MACROD2: variants seen among roughly 807,000 people sequenced by gnomAD.
MACROD2 encodes the protein ADP-ribose glycohydrolase MACROD2.
Under a neutral mutation model 70.4 loss-of-function variants are expected in MACROD2, and 36 were observed. The observed-to-expected ratio is 0.51, with a 90% CI of 0.39 to 0.68. The LOEUF is 0.68. Among genes scored for constraint, MACROD2 ranks in the 30% least tolerant of loss-of-function variants. MACROD2 has a pLI of 0.00. For missense variants in MACROD2, 496 were observed against 538.4 expected, an observed-to-expected ratio of 0.92 and a Z score of 0.78; for synonymous variants, 172 against 178.8, an observed-to-expected ratio of 0.96 and a Z score of 0.30.
At chr20:14,240,030 T>A (rs752401455) in intron 3 of MACROD2, among the ~76,000 whole-genome samples, 3 of 152,102 alleles carry the variant, frequency 2.0e-5, no homozygotes, top group Non-Finnish European at 2.9e-5. Context: ...GCAATGGACG[T>A]GAATAAATAC....
intron 3 of MACROD2, among the ~76,000 whole-genome samples, chr20:14,222,582 T>C (rs2081686032): frequency 6.6e-6 from 1 of 152,162 alleles, no homozygotes; most frequent in African/African-American, 2.4e-5. Context: ...TTCACCACTA[T>C]GCATGCAGTC....
intron 3 of MACROD2, among the ~76,000 whole-genome samples, chr20:14,206,656 CT>C (rs566729087): frequency 4.0e-3 from 516 of 130,018 alleles, no homozygotes; most frequent in Non-Finnish European, 4.0e-3. Context: ...TCCCATGAGG[CT>C]TTTTTTTTTT....
At chr20:14,829,375 C>G (rs889547593) in intron 5 of MACROD2, among the ~76,000 whole-genome samples, 2 of 151,782 alleles carry the variant, frequency 1.3e-5, no homozygotes, top group East Asian at 3.9e-4. Flanking sequence ...CGTGATCCAC[C>G]CGCCTCGGCC....
intron 4 of MACROD2, among the ~76,000 whole-genome samples, chr20:14,529,280 A>G (rs1323790324): frequency 6.6e-6 from 1 of 152,250 alleles, no homozygotes; most frequent in African/African-American, 2.4e-5. Flanking sequence ...AGGCAGTTCC[A>G]GGATTAGTTA....
At chr20:15,197,027 A>G in intron 5 of MACROD2, 1 of 985,392 alleles carries the variant, frequency 1.0e-6, no homozygotes, top group Non-Finnish European at 1.2e-6. Context: ...GAGCCAGTTT[A>G]TGCAGGTGAG....
At chr20:15,068,681 C>G (rs567986422) in intron 5 of MACROD2, among the ~76,000 whole-genome samples, 1 of 152,184 alleles carries the variant, frequency 6.6e-6, no homozygotes, top group Non-Finnish European at 1.5e-5. Context: ...GAAGCTTCAT[C>G]AGAAGCTGAG....
intron 5 of MACROD2, among the ~76,000 whole-genome samples, chr20:14,928,254 T>C (rs1306293119): frequency 2.6e-5 from 4 of 152,204 alleles, no homozygotes; most frequent in Non-Finnish European, 5.9e-5. Flanking sequence ...TATTCTATCC[T>C]CACGGGTTCA....
chr20:14,540,769 A>T (rs1048434026), intron 4 of MACROD2, among the ~76,000 whole-genome samples: 1 of 152,172 alleles, frequency 6.6e-6, no homozygotes, highest in Non-Finnish European at 1.5e-5. Context: ...TGCTATCAGC[A>T]CCCTTAGAGA....
intron 4 of MACROD2, among the ~76,000 whole-genome samples, chr20:14,575,497 C>T (rs947771042): frequency 2.6e-5 from 4 of 152,016 alleles, no homozygotes; most frequent in Admixed American, 6.6e-5. Context: ...TTGTGGGCTC[C>T]CTGAAATAGT....
At chr20:15,370,794 A>G (rs2045481270) in intron 6 of MACROD2, among the ~76,000 whole-genome samples, 1 of 152,042 alleles carries the variant, frequency 6.6e-6, no homozygotes, top group South Asian at 2.1e-4. Context: ...TTAACTATGA[A>G]TAGAGATGAA....
chr20:14,072,476 G>A (rs1428220460), intron 2 of MACROD2, among the ~76,000 whole-genome samples: 2 of 151,960 alleles, frequency 1.3e-5, no homozygotes, highest in African/African-American at 4.8e-5. Context: ...TGGGCTGCCT[G>A]GGTTCAAATC....
At chr20:15,518,014 G>A (rs907748181) in intron 8 of MACROD2, among the ~76,000 whole-genome samples, 2 of 152,222 alleles carry the variant, frequency 1.3e-5, no homozygotes, top group Non-Finnish European at 2.9e-5. Context: ...GAATAGAGCT[G>A]GCAACAGACA....
chr20:14,642,194 A>G (rs1448782661), intron 4 of MACROD2, among the ~76,000 whole-genome samples: 5 of 152,140 alleles, frequency 3.3e-5, no homozygotes, highest in Non-Finnish European at 7.4e-5. Context: ...CTAGCTTCCA[A>G]CTTTTCTCTT....
intron 8 of MACROD2, among the ~76,000 whole-genome samples, chr20:15,697,814 C>T (rs192713315): frequency 3.0e-3 from 460 of 152,328 alleles, no homozygotes; most frequent in Middle Eastern, 6.8e-3. Context: ...TAAAGTCCCT[C>T]TTTGTCTCTT....
chr20:14,971,269 A>G (rs2074688575), intron 5 of MACROD2, among the ~76,000 whole-genome samples: 1 of 152,150 alleles, frequency 6.6e-6, no homozygotes, highest in Non-Finnish European at 1.5e-5. Context: ...TTTGATGGGT[A>G]ACCGTCACCT....
intron 16 of MACROD2, among the ~76,000 whole-genome samples, chr20:16,042,799 C>T (rs1410227747): frequency 6.6e-6 from 1 of 152,014 alleles, no homozygotes; most frequent in Non-Finnish European, 1.5e-5. Flanking sequence ...AAAATGAGTT[C>T]ACACATCATT....
intron 8 of MACROD2, among the ~76,000 whole-genome samples, chr20:15,605,113 A>G (rs895659094): frequency 6.6e-6 from 1 of 152,134 alleles, no homozygotes; most frequent in Non-Finnish European, 1.5e-5. Context: ...TCACACTAAT[A>G]TGTCGTTTCA....
intron 8 of MACROD2, among the ~76,000 whole-genome samples, chr20:15,862,061 A>G (rs1177926051): frequency 6.6e-6 from 1 of 152,056 alleles, no homozygotes; most frequent in East Asian, 1.9e-4. Flanking sequence ...TTTCCAAGAA[A>G]CTCTTTACAT....
At chr20:15,417,046 TA>T (rs1469177072) in intron 6 of MACROD2, among the ~76,000 whole-genome samples, 1 of 152,114 alleles carries the variant, frequency 6.6e-6, no homozygotes, top group Non-Finnish European at 1.5e-5. Flanking sequence ...CTTCAAGGGA[TA>T]AAACAGACGT....
Sources: gnomAD v4.1 joint callset for allele counts (sites outside exome capture counted in the v4.1 genomes callset) on GRCh38, gnomAD v4.1.1 for gene constraint, MANE v1.5 for transcripts, NCBI Gene and HGNC (gene_info 2026-07-23, HGNC 2026-07-21) for gene names.